Variants in WDFY4 observed in about 807,000 individuals in gnomAD.
WDFY4 encodes WD repeat- and FYVE domain-containing protein 4.
A neutral mutation model predicts 351.9 loss-of-function variants in WDFY4; 169 were observed. The observed-to-expected ratio is 0.48, with a 90% CI of 0.42 to 0.55. WDFY4 has a LOEUF of 0.55. Ranked by LOEUF, WDFY4 falls within the 20% of genes least tolerant of loss-of-function variation. The pLI is 0.00. For missense variants in WDFY4, 3,803 were observed against 3,935.6 expected, an observed-to-expected ratio of 0.97 and a Z score of 0.90; for synonymous variants, 1,622 against 1,574.6, an observed-to-expected ratio of 1.03 and a Z score of -0.71.
At chr10:48,900,130 C>A in intron 45 of WDFY4, 91 bp from the exon 46 acceptor site, 1 of 1,139,512 alleles carries the variant, frequency 8.8e-7, no homozygotes, top group African/African-American at 1.6e-5. Context: ...ACACGGAGAC[C>A]CGCAATGACC....
Position 48,913,248 on chromosome 10 carries a change from A to G in WDFY4, c.7586+11385A>G, listed in dbSNP as rs1351370893. On this transcript the variant is annotated intron_variant, in intron 47 of 61. Transcript: ENST00000325239. ...TCAATCAACACAATCACACGCCGAGAAAGTAAGGAAAGGAGTTTTATGGGC... is the reference window on the plus strand; with the variant it reads ...TCAATCAACACAATCACACGCCGAGGAAGTAAGGAAAGGAGTTTTATGGGC... The G allele has an allele frequency of 7.9e-6, 6 of 761,042 alleles. No homozygotes were observed. The African/African-American group carries it at 1.0e-4, about 13-fold the overall frequency. The allele number at this position is 761,042 out of a possible 1,614,324, so 47.1% of individuals were successfully genotyped here.
chr10:48,954,717 A>G (rs1214061081), intron 51 of WDFY4, among the ~76,000 whole-genome samples: 1 of 152,238 alleles, frequency 6.6e-6, no homozygotes, highest in Non-Finnish European at 1.5e-5. Context: ...TTTTTCTTCT[A>G]GGGAATTTGG....
chr10:48,704,297 G>T (rs992165970), intron 1 of WDFY4, among the ~76,000 whole-genome samples: 1 of 152,292 alleles, frequency 6.6e-6, no homozygotes, highest in South Asian at 2.1e-4. Context: ...TGGCCCCACT[G>T]CCCCCTCTGC....
intron 13 of WDFY4, among the ~76,000 whole-genome samples, chr10:48,762,620 A>T (rs1259049718): frequency 6.6e-6 from 1 of 152,204 alleles, no homozygotes; most frequent in Non-Finnish European, 1.5e-5. Flanking sequence ...GCACCTCAGC[A>T]AGGCTGGCTC....
At chr10:48,820,205 A>G (rs1274642248) in intron 32 of WDFY4, 29 bp from the exon 33 acceptor site, 8 of 1,550,672 alleles carry the variant, frequency 5.2e-6, no homozygotes, top group East Asian at 4.9e-5. Context: ...AGGGCAGGCC[A>G]CTCATGTTGG....
intron 13 of WDFY4, among the ~76,000 whole-genome samples, chr10:48,768,569 T>C (rs148743808): frequency 0.01 from 1,579 of 152,262 alleles, 21 homozygotes; most frequent in African/African-American, 0.036. Flanking sequence ...GTCAGCCCTC[T>C]GGGTTAGGCG....
At chr10:48,942,294 G>A (rs1840811341) in intron 48 of WDFY4, among the ~76,000 whole-genome samples, 1 of 152,192 alleles carries the variant, frequency 6.6e-6, no homozygotes, top group Admixed American at 6.5e-5. Flanking sequence ...TTACCAAAAT[G>A]TCTCAGACAT....
chr10:48,695,719 T>G (rs1423859468), intron 1 of WDFY4, among the ~76,000 whole-genome samples: 1 of 152,132 alleles, frequency 6.6e-6, no homozygotes, highest in Non-Finnish European at 1.5e-5. Flanking sequence ...CCACAGGGAC[T>G]GGGGCTTCTT....
chr10:48,978,634 G>C, intron 60 of WDFY4: 1 of 450,198 alleles, frequency 2.2e-6, no homozygotes, highest in Non-Finnish European at 4.0e-6. Flanking sequence ...ACACTGGCAT[G>C]TAACCACCAT....
intron 47 of WDFY4, among the ~76,000 whole-genome samples, chr10:48,925,249 G>A (rs1416854439): frequency 6.6e-6 from 1 of 152,164 alleles, no homozygotes; most frequent in Non-Finnish European, 1.5e-5. Context: ...AGATCACTCT[G>A]TGTCCTCTGC....
At chr10:48,689,709 G>C (rs79473897) in intron 1 of WDFY4, among the ~76,000 whole-genome samples, 1,959 of 152,278 alleles carry the variant, frequency 0.013, 47 homozygotes, top group African/African-American at 0.045. Flanking sequence ...CATGGGAATA[G>C]AGTTTGAGAT....
At chr10:48,931,398 C>T (rs888736461) in intron 47 of WDFY4, among the ~76,000 whole-genome samples, 12 of 152,298 alleles carry the variant, frequency 7.9e-5, no homozygotes, top group African/African-American at 2.6e-4. Flanking sequence ...CCAAGGCAGC[C>T]GTTCCTGTTT....
intron 2 of WDFY4, among the ~76,000 whole-genome samples, chr10:48,719,352 G>A (rs750498631): frequency 6.6e-6 from 1 of 152,028 alleles, no homozygotes; most frequent in African/African-American, 2.4e-5. Flanking sequence ...ATATTTTTTC[G>A]CTTCTGAAGT....
chr10:48,876,959 CA>C, intron 42 of WDFY4, 73 bp from the exon 43 acceptor site: 3 of 1,379,700 alleles, frequency 2.2e-6, no homozygotes, highest in Non-Finnish European at 2.9e-6. Flanking sequence ...GTGATGTAGG[CA>C]CATGCTGTGC....
intron 35 of WDFY4, chr10:48,823,186 C>A: frequency 7.7e-7 from 1 of 1,301,528 alleles, no homozygotes. Context: ...TTTTAGATCT[C>A]AGCCCCATTA....
chr10:48,848,843 A>G (rs1299072886), intron 39 of WDFY4, among the ~76,000 whole-genome samples: 1 of 152,218 alleles, frequency 6.6e-6, no homozygotes, highest in African/African-American at 2.4e-5. Flanking sequence ...ATAACCACAG[A>G]GTGCTCGCAC....
intron 16 of WDFY4, 99 bp from the exon 17 acceptor site, chr10:48,777,320 A>C: frequency 8.8e-7 from 1 of 1,140,122 alleles, no homozygotes; most frequent in Non-Finnish European, 1.3e-6. Context: ...CAGTGCCGGC[A>C]GGAGGGTAGA....
intron 28 of WDFY4, among the ~76,000 whole-genome samples, chr10:48,808,332 G>A (rs2067326536): frequency 6.6e-6 from 1 of 152,150 alleles, no homozygotes; most frequent in Admixed American, 6.5e-5. Context: ...CATCTATCAA[G>A]GAAAAGTCTT....
At chr10:48,745,858 G>T (rs920814396) in intron 12 of WDFY4, 74 of 319,982 alleles carry the variant, frequency 2.3e-4, no homozygotes, top group Middle Eastern at 9.9e-4. Flanking sequence ...GCCTGGCCTC[G>T]CTGGGCCTTG....
Sources: allele counts gnomAD v4.1 joint callset (sites outside exome capture counted in the v4.1 genomes callset), GRCh38; gene constraint gnomAD v4.1.1; transcripts MANE v1.5; gene names NCBI Gene and HGNC (gene_info 2026-07-23, HGNC 2026-07-21).